Variants in SLC24A2 observed in about 807,000 individuals in gnomAD.
The protein encoded by SLC24A2 is solute carrier family 24 member 2.
A neutral mutation model predicts 62.0 loss-of-function variants in SLC24A2; 36 were observed. The observed-to-expected ratio is 0.58, with a 90% CI of 0.44 to 0.77. The LOEUF (loss-of-function observed/expected upper bound fraction) is 0.77. SLC24A2 is among the 30% of genes least tolerant of loss of function. The pLI is 0.00. For missense variants in SLC24A2, 846 were observed against 817.9 expected (o/e 1.03, Z -0.42); for synonymous variants, 358 against 294.0 (o/e 1.22, Z -2.23).
the SLC24A2 span, among the ~76,000 whole-genome samples, chr9:20,221,056 T>C: frequency 2.0e-5 from 3 of 152,296 alleles, no homozygotes; most frequent in Admixed American, 6.5e-5. Context: ...AGCATTCTTA[T>C]CCTTATCACC....
At chr9:19,885,079 C>G in the SLC24A2 span, among the ~76,000 whole-genome samples, 2 of 152,134 alleles carry the variant, frequency 1.3e-5, no homozygotes, top group African/African-American at 4.8e-5. Flanking sequence ...TCAGCTTTAT[C>G]CTTGTGAGTG....
chr9:20,272,253 C>T, the SLC24A2 span, among the ~76,000 whole-genome samples: 1 of 152,178 alleles, frequency 6.6e-6, no homozygotes, highest in East Asian at 1.9e-4. Flanking sequence ...CTAAAAGGGA[C>T]TCAGTAGTAT....
chr9:19,827,906 G>A, the SLC24A2 span, among the ~76,000 whole-genome samples: 6 of 152,092 alleles, frequency 3.9e-5, no homozygotes. Flanking sequence ...CATCAGCTGA[G>A]GCCCTTTCTT....
the SLC24A2 span, among the ~76,000 whole-genome samples, chr9:20,214,421 G>A: frequency 6.6e-6 from 1 of 151,998 alleles, no homozygotes; most frequent in African/African-American, 2.4e-5. Context: ...GACCATCCTG[G>A]CTAACACAGT....
the SLC24A2 span, among the ~76,000 whole-genome samples, chr9:20,010,613 C>CT: frequency 6.6e-6 from 1 of 151,856 alleles, no homozygotes; most frequent in South Asian, 2.1e-4. Flanking sequence ...TAGACATTTT[C>CT]TTTTTTTTAA....
At chr9:19,552,789 C>T (rs542271722) in intron 7 of SLC24A2, among the ~76,000 whole-genome samples, 1 of 152,364 alleles carries the variant, frequency 6.6e-6, no homozygotes, top group East Asian at 1.9e-4. Context: ...TACGGATTAG[C>T]TCCTTTCTCC....
the SLC24A2 span, among the ~76,000 whole-genome samples, chr9:20,025,120 T>C: frequency 2.3e-3 from 356 of 152,294 alleles, 3 homozygotes; most frequent in African/African-American, 8.1e-3. Flanking sequence ...TTAACCAAAG[T>C]TCACTTTGGT....
chr9:20,089,521 G>A, the SLC24A2 span, among the ~76,000 whole-genome samples: 3 of 152,114 alleles, frequency 2.0e-5, no homozygotes, highest in South Asian at 2.1e-4. Flanking sequence ...CATACAAAGA[G>A]GAGTCTAGCC....
At chr9:20,224,417 T>C in the SLC24A2 span, among the ~76,000 whole-genome samples, 8 of 151,944 alleles carry the variant, frequency 5.3e-5, no homozygotes, top group Non-Finnish European at 1.0e-4. Context: ...AACCATAAGT[T>C]TGGCAAAAAT....
chr9:19,952,749 C>T, the SLC24A2 span, among the ~76,000 whole-genome samples: 7 of 149,444 alleles, frequency 4.7e-5, no homozygotes, highest in Non-Finnish European at 8.9e-5. Context: ...AAGGGTAATA[C>T]TGGCTTTATA....
chr9:20,197,251 A>G, the SLC24A2 span, among the ~76,000 whole-genome samples: 1 of 152,182 alleles, frequency 6.6e-6, no homozygotes, highest in Non-Finnish European at 1.5e-5. Context: ...GAGGATTGCC[A>G]AATTGTTTTC....
At chr9:20,258,534 G>A in the SLC24A2 span, among the ~76,000 whole-genome samples, 1 of 152,156 alleles carries the variant, frequency 6.6e-6, no homozygotes, top group Non-Finnish European at 1.5e-5. Context: ...TCTGGAACCA[G>A]GACACTCTTC....
At chr9:19,686,810 T>C (rs1021055961) in intron 2 of SLC24A2, among the ~76,000 whole-genome samples, 3 of 152,108 alleles carry the variant, frequency 2.0e-5, no homozygotes, top group African/African-American at 7.2e-5. Flanking sequence ...ATTGGCAGCA[T>C]GAGCATGAAC....
intron 4 of SLC24A2, 45 bp downstream of exon 4, chr9:19,619,539 C>T (rs1817856287): frequency 6.9e-7 from 1 of 1,441,758 alleles, no homozygotes; most frequent in Non-Finnish European, 9.8e-7. Flanking sequence ...CTTTTGGCAT[C>T]CTTTTCCCCC....
chr9:20,202,480 G>C, the SLC24A2 span, among the ~76,000 whole-genome samples: 1 of 152,230 alleles, frequency 6.6e-6, no homozygotes, highest in Non-Finnish European at 1.5e-5. Context: ...CCAGAATTCA[G>C]TGAGGCTGTT....
At chr9:20,163,649 A>T in the SLC24A2 span, among the ~76,000 whole-genome samples, 1 of 152,122 alleles carries the variant, frequency 6.6e-6, no homozygotes, top group Admixed American at 6.6e-5. Flanking sequence ...TTCATATGGA[A>T]CCACAAAAGA....
chr9:20,202,053 GT>G, the SLC24A2 span, among the ~76,000 whole-genome samples: 2 of 80,470 alleles, frequency 2.5e-5, no homozygotes, highest in African/African-American at 1.4e-4. Flanking sequence ...ATTTCATGGT[GT>G]GTGTGTGTGT....
the SLC24A2 span, among the ~76,000 whole-genome samples, chr9:20,115,819 T>G: frequency 6.6e-6 from 1 of 152,192 alleles, no homozygotes; most frequent in East Asian, 1.9e-4. Context: ...TCCCATCTTC[T>G]TCATTCCAAA....
At chr9:20,005,546 T>G in the SLC24A2 span, among the ~76,000 whole-genome samples, 1 of 151,958 alleles carries the variant, frequency 6.6e-6, no homozygotes, top group East Asian at 1.9e-4. Context: ...GAGCAAAGAC[T>G]TGAACTCAAG....
Sources: allele counts gnomAD v4.1 joint callset (sites outside exome capture counted in the v4.1 genomes callset), GRCh38; gene constraint gnomAD v4.1.1; transcripts MANE v1.5; gene names NCBI Gene and HGNC (gene_info 2026-07-23, HGNC 2026-07-21).